The following ATRN variants were observed in gnomAD, a reference collection of about 807,000 sequenced individuals.
ATRN encodes the protein attractin.
Under a neutral mutation model 178.7 loss-of-function variants are expected in ATRN, and 54 were observed. The ratio of observed to expected loss-of-function variants is 0.30; its 90% CI spans 0.24 to 0.38. The LOEUF (loss-of-function observed/expected upper bound fraction) is 0.38, where lower values mean the gene tolerates loss of function less well. Among genes scored for constraint, ATRN ranks in the 10% least tolerant of loss-of-function variants. ATRN has a pLI of 1.00. For missense variants in ATRN, 1,443 were observed against 1,815.1 expected (o/e 0.79, Z 3.73); for synonymous variants, 636 against 663.0 (o/e 0.96, Z 0.63).
intron 1 of ATRN, among the ~76,000 whole-genome samples, chr20:3,489,200 A>G (rs2084743036): frequency 6.6e-6 from 1 of 152,142 alleles, no homozygotes. Flanking sequence ...ACCTCAAGTG[A>G]TCTGCTTGCC....
chr20:3,600,936 C>T lies in ATRN; in HGVS notation c.3565-10C>T, dbSNP rs192062072. On this transcript the variant is annotated splice_polypyrimidine_tract_variant and intron_variant, in intron 22 of 28. Transcript: ENST00000262919. Reference sequence around the variant, plus strand: ...TAATTAATTTTCTAATAATTTGTACCGCTCATCAGCAAAACAGGGATTTGG... The same window carrying T: ...TAATTAATTTTCTAATAATTTGTACTGCTCATCAGCAAAACAGGGATTTGG... 1.2e-4 allele frequency: 195 copies of T among 1,607,720 alleles called. No homozygotes were observed. The East Asian group carries it at 1.7e-3, about 14-fold the overall frequency.
intron 25 of ATRN, among the ~76,000 whole-genome samples, chr20:3,625,351 G>A (rs553562930): frequency 2.0e-5 from 3 of 152,208 alleles, no homozygotes; most frequent in African/African-American, 7.2e-5. Flanking sequence ...ATAATGCATG[G>A]CTAAATCAGT....
At chr20:3,537,340 A>G (rs1045329914) in intron 2 of ATRN, among the ~76,000 whole-genome samples, 1 of 152,184 alleles carries the variant, frequency 6.6e-6, no homozygotes, top group Non-Finnish European at 1.5e-5. Flanking sequence ...TAGTTTATTG[A>G]TTGTTCTTTC....
chr20:3,601,329 C>G (rs1384390513), intron 23 of ATRN, among the ~76,000 whole-genome samples: 1 of 152,188 alleles, frequency 6.6e-6, no homozygotes, highest in Non-Finnish European at 1.5e-5. Context: ...CCTAGCCCAC[C>G]ACCACCATTT....
rs1225214388 is a variant in ATRN, at chr20:3,594,539, C to T, written c.3383C>T (p.Thr1128Ile). Residue 1128 changes from threonine (T) to isoleucine (I), a missense_variant, in exon 20 of 29, where the codon ACC (threonine) becomes ATC (isoleucine). Physicochemically the swap from Thr to Ile is moderately conservative, Grantham distance 89. Transcript: ENST00000262919. ...ACCAACACGGGCAAGTGCTTCTGCA[C>T]CACCAAGGGCGTCAAGGGGGACGAG... ...CNTNTGKCFC[T>I]TKGVKGDECQ... The T allele has an allele frequency of 6.2e-7, 1 of 1,612,616 alleles. No homozygotes were observed. The highest frequency in any genetic ancestry group is 1.7e-5 in the Admixed American group (1 of 59,932).
At chr20:3,553,736 T>G (rs1442683135) in intron 6 of ATRN, among the ~76,000 whole-genome samples, 1 of 152,228 alleles carries the variant, frequency 6.6e-6, no homozygotes, top group Admixed American at 6.5e-5. Context: ...TGCCCTTCCC[T>G]TGGTCTAGAC....
rs145759005 is a variant in ATRN, at chr20:3,625,250, T to TA, written c.3863+679dup. Among the ~76,000 whole-genome samples the TA allele has an allele frequency of 3.3e-3, 501 of 152,300 alleles. 2 individuals carry two copies. The highest frequency in any genetic ancestry group is 5.5e-3 in the Non-Finnish European group (372 of 68,022). On this transcript the variant is annotated intron_variant, in intron 25 of 28. Transcript: ENST00000262919. ...GATGTCCTACTGTAGAAGATGAGGA[T>TA]ATACTGTGTTACATGGCCTCCCCTA...
At chr20:3,490,020 C>G in intron 1 of ATRN, 3 of 1,017,020 alleles carry the variant, frequency 2.9e-6, no homozygotes, top group East Asian at 4.8e-5. Flanking sequence ...TTGCTGTTCC[C>G]TGAGAGTCAG....
intron 10 of ATRN, among the ~76,000 whole-genome samples, chr20:3,564,998 G>A (rs531573948): frequency 6.6e-6 from 1 of 152,182 alleles, no homozygotes; most frequent in Non-Finnish European, 1.5e-5. Flanking sequence ...CTGGGAGGAG[G>A]AGCTTGCAGT....
chr20:3,573,984 C>T (rs896680913), intron 12 of ATRN, among the ~76,000 whole-genome samples: 4 of 152,006 alleles, frequency 2.6e-5, no homozygotes, highest in East Asian at 1.9e-4. Context: ...GTGATCTGCC[C>T]GCCTCAGCCT....
intron 28 of ATRN, among the ~76,000 whole-genome samples, chr20:3,644,882 G>A (rs1037794233): frequency 6.6e-6 from 1 of 152,068 alleles, no homozygotes; most frequent in African/African-American, 2.4e-5. Context: ...TCCAGCCCTG[G>A]CCAGCAATTT....
chr20:3,573,021 C>T (rs1272318001), intron 12 of ATRN, 70 bp downstream of exon 12: 6 of 1,338,580 alleles, frequency 4.5e-6, no homozygotes, highest in Non-Finnish European at 6.3e-6. Flanking sequence ...TGTGAAGGAA[C>T]TTAGCATATG....
intron 18 of ATRN, among the ~76,000 whole-genome samples, chr20:3,589,109 A>G (rs1277061481): frequency 6.9e-6 from 1 of 145,678 alleles, no homozygotes; most frequent in Non-Finnish European, 1.5e-5. Context: ...CAGCCCCCCA[A>G]GTAGCTGGGA....
intron 1 of ATRN, among the ~76,000 whole-genome samples, chr20:3,488,028 T>C (rs1014065240): frequency 6.6e-5 from 10 of 152,332 alleles, no homozygotes; most frequent in African/African-American, 2.2e-4. Flanking sequence ...GAAGATGATA[T>C]GCTCTTGGAT....
intron 1 of ATRN, among the ~76,000 whole-genome samples, chr20:3,525,970 A>G (rs549744176): frequency 2.0e-5 from 3 of 152,192 alleles, no homozygotes; most frequent in Non-Finnish European, 2.9e-5. Context: ...AGCTGGAACC[A>G]TTCCCTTTGA....
intron 6 of ATRN, among the ~76,000 whole-genome samples, chr20:3,552,528 A>G (rs147713468): frequency 4.5e-4 from 68 of 152,302 alleles, no homozygotes; most frequent in African/African-American, 1.5e-3. Context: ...CCGTATTGGT[A>G]TATTTATGAG....
intron 24 of ATRN, among the ~76,000 whole-genome samples, chr20:3,618,103 A>C (rs2086867440): frequency 6.6e-6 from 1 of 152,196 alleles, no homozygotes; most frequent in South Asian, 2.1e-4. Flanking sequence ...GGTAACAGGC[A>C]CATCGTCTCC....
chr20:3,578,527 G>T, intron 14 of ATRN, 55 bp from the exon 15 acceptor site: 1 of 1,463,626 alleles, frequency 6.8e-7, no homozygotes, highest in Non-Finnish European at 9.3e-7. Context: ...TCATAATACA[G>T]TAGTTTTGTC....
chr20:3,584,908 A>G (rs762977793), intron 18 of ATRN, 28 bp downstream of exon 18: 5 of 1,586,516 alleles, frequency 3.2e-6, no homozygotes, highest in South Asian at 1.1e-5. Flanking sequence ...TCCAAATTCA[A>G]GTGTTTCACT....
Sources: gnomAD v4.1 joint callset for allele counts (sites outside exome capture counted in the v4.1 genomes callset) on GRCh38, gnomAD v4.1.1 for gene constraint, MANE v1.5 for transcripts, NCBI Gene and HGNC (gene_info 2026-07-23, HGNC 2026-07-21) for gene names.